ANXA6: variants seen among roughly 807,000 people sequenced by gnomAD.
ANXA6 encodes annexin A6, also known as 67 kDa calelectrin.
ANXA6 carries 71 observed loss-of-function variants against 95.4 expected under a neutral mutation model. That is an observed-to-expected ratio of 0.74 (90% CI 0.61 to 0.91). ANXA6 has a LOEUF of 0.91. Among genes scored for constraint, ANXA6 ranks in the 40% least tolerant of loss-of-function variants. ANXA6 has a pLI of 0.00. For missense variants in ANXA6, 830 were observed against 876.4 expected (o/e 0.95, Z 0.67); for synonymous variants, 289 against 315.9 (o/e 0.91, Z 0.90).
chr5:151,148,020 G>T, intron 1 of ANXA6, 94 bp from the exon 2 acceptor site: 2 of 1,265,332 alleles, frequency 1.6e-6, no homozygotes, highest in Non-Finnish European at 2.2e-6. Flanking sequence ...TTTTCCAGCT[G>T]CCCCCAGCCC....
At chr5:151,108,158 G>T (rs1764750395) in intron 23 of ANXA6, among the ~76,000 whole-genome samples, 1 of 152,070 alleles carries the variant, frequency 6.6e-6, no homozygotes, top group Non-Finnish European at 1.5e-5. Context: ...TCAAGTGTGT[G>T]TGTGGTGTGT....
At chr5:151,106,566 T>C (rs1300198788) in intron 23 of ANXA6, among the ~76,000 whole-genome samples, 2 of 152,102 alleles carry the variant, frequency 1.3e-5, no homozygotes, top group African/African-American at 2.4e-5. Flanking sequence ...TGCTCCCCCA[T>C]TCCCAGAACA....
intron 7 of ANXA6, 24 bp downstream of exon 7, chr5:151,136,232 G>GA (rs757761031): frequency 5.0e-6 from 8 of 1,612,258 alleles, no homozygotes; most frequent in African/African-American, 4.0e-5. Flanking sequence ...AGCTCCAGAG[G>GA]AAAAAAATAG....
At chr5:151,124,549 GAGAGAGAGAGAGAA>G (rs887237037) in intron 14 of ANXA6, among the ~76,000 whole-genome samples, 182 bp from the exon 15 acceptor site, 1 of 113,104 alleles carries the variant, frequency 8.8e-6, no homozygotes, top group Non-Finnish European at 2.1e-5. Context: ...GAGAGAGAGA[GAGAGAGAGAGAGAA>G]AGAGACAGAA....
rs1449979781 is a variant in ANXA6, at chr5:151,136,337, T to C, written c.410-2A>G. On this transcript the variant is annotated splice_acceptor_variant, in intron 6 of 25. Coordinates refer to ENST00000354546, the MANE Select transcript of ANXA6 (RefSeq NM_001155.5). LOFTEE classifies it high-confidence loss of function. ...CAGCCTCCAGGTCCCGCTCGTAGGC[T>C]GCAGAAAGGAACGCAAGCTCTAGTC... The C allele has an allele frequency of 2.5e-6, 4 of 1,613,820 alleles. No individual in the cohort carries two copies. Among genetic ancestry groups the C allele is most frequent in the Non-Finnish European group, 3.4e-6 (4 of 1,179,752 alleles).
chr5:151,147,792 C>T, intron 2 of ANXA6, 92 bp downstream of exon 2: 5 of 1,403,946 alleles, frequency 3.6e-6, no homozygotes, highest in Non-Finnish European at 4.9e-6. Context: ...GCTGAAGGTA[C>T]CAGGGGTCTC....
At chr5:151,110,544 G>A (rs372432636) in intron 21 of ANXA6, 83 bp downstream of exon 21, 11 of 1,484,988 alleles carry the variant, frequency 7.4e-6, no homozygotes, top group African/African-American at 2.8e-5. Flanking sequence ...CCAAATCACT[G>A]CTCGATACTG....
At chr5:151,108,592 T>C in intron 22 of ANXA6, 42 bp from the exon 23 acceptor site, 1 of 1,578,402 alleles carries the variant, frequency 6.3e-7, no homozygotes, top group Non-Finnish European at 8.7e-7. Flanking sequence ...TGAGCTTCAG[T>C]GCAGGAGGCG....
intron 1 of ANXA6, among the ~76,000 whole-genome samples, chr5:151,152,633 T>A (rs1476746883): frequency 6.6e-6 from 1 of 152,252 alleles, no homozygotes; most frequent in Non-Finnish European, 1.5e-5. Context: ...GTAATGGGTA[T>A]GACAATCCAC....
intron 22 of ANXA6, among the ~76,000 whole-genome samples, chr5:151,109,430 C>T (rs1201955940): frequency 5.3e-5 from 8 of 152,140 alleles, no homozygotes; most frequent in East Asian, 1.9e-4. Flanking sequence ...TGAATCATGA[C>T]GCGGGACCCC....
chr5:151,136,171 A>C, intron 7 of ANXA6, 85 bp downstream of exon 7: 1 of 1,345,006 alleles, frequency 7.4e-7, no homozygotes, highest in Non-Finnish European at 1.0e-6. Flanking sequence ...AGCTGACCAG[A>C]CCCTGGACAT....
chr5:151,109,273 G>T (rs1056698518), intron 22 of ANXA6, among the ~76,000 whole-genome samples: 1 of 152,192 alleles, frequency 6.6e-6, no homozygotes, highest in South Asian at 2.1e-4. Flanking sequence ...AAATGTCTCA[G>T]TGCAGGACAC....
rs935087305 is a variant in ANXA6, at chr5:151,117,061, G to C, written c.1572+66C>G. 6 of 1,442,248 alleles carry C rather than the reference G, an allele frequency of 4.2e-6. No individual in the cohort carries two copies. The East Asian group carries it at 1.3e-4, about 30-fold the overall frequency. The allele number at this position is 1,442,248 out of a possible 1,614,324, so 89.3% of individuals were successfully genotyped here. On this transcript the variant is annotated intron_variant, in intron 20 of 25. Coordinates refer to ENST00000354546, the MANE Select transcript of ANXA6 (RefSeq NM_001155.5). ...CACAGACAGGGCCCGGCGTAGACAC[G>C]CATAAGCTGGACCTACATCTCAGGG...
rs190449632 is a variant in ANXA6, at chr5:151,111,388, G to A, written c.1573-744C>T. On this transcript the variant is annotated intron_variant, in intron 20 of 25. Transcript: ENST00000354546. ...GAAACTCTGCTGACTTTATTCTATT[G>A]GATAGACTGAACTCTTTATAAACTT... Among the ~76,000 whole-genome samples the A allele has an allele frequency of 1.6e-3, 251 of 152,234 alleles. 1 individual carries two copies. Among genetic ancestry groups the A allele is most frequent in the Middle Eastern group, 3.4e-3 (1 of 294 alleles).
chr5:151,129,829 G>C (rs1765444653), intron 11 of ANXA6, among the ~76,000 whole-genome samples: 1 of 152,072 alleles, frequency 6.6e-6, no homozygotes, highest in South Asian at 2.1e-4. Context: ...TCCTGCCTCA[G>C]CTTCCTGAGC....
intron 11 of ANXA6, 68 bp from the exon 12 acceptor site, chr5:151,129,597 T>C: frequency 6.7e-7 from 1 of 1,492,484 alleles, no homozygotes; most frequent in Non-Finnish European, 9.0e-7. Context: ...GCTCCCAGCT[T>C]AGTTGAAAAT....
intron 18 of ANXA6, among the ~76,000 whole-genome samples, chr5:151,118,209 G>A (rs1484604024): frequency 1.3e-5 from 2 of 151,232 alleles, no homozygotes; most frequent in Non-Finnish European, 2.9e-5. Context: ...TGTCACTCCT[G>A]TACTCAAAAA....
At chr5:151,154,424 T>C (rs141988980) in intron 1 of ANXA6, among the ~76,000 whole-genome samples, 121 of 152,078 alleles carry the variant, frequency 8.0e-4, no homozygotes, top group Non-Finnish European at 1.4e-3. Context: ...TAAAAGTACA[T>C]TTAATAAGGA....
At chr5:151,136,135 T>C in intron 7 of ANXA6, 121 bp downstream of exon 7, 1 of 848,220 alleles carries the variant, frequency 1.2e-6, no homozygotes. Context: ...ATTAGCCAAA[T>C]ACACCTGCCT....
Sources: allele counts gnomAD v4.1 joint callset (sites outside exome capture counted in the v4.1 genomes callset), GRCh38; gene constraint gnomAD v4.1.1; transcripts MANE v1.5; gene names NCBI Gene and HGNC (gene_info 2026-07-23, HGNC 2026-07-21).